Variants in NXPE2 observed in about 807,000 individuals in gnomAD.
NXPE2 encodes the protein NXPE family member 2.
In NXPE2, 34 loss-of-function variants were observed where a neutral mutation model predicts 34.4. The observed-to-expected ratio is 0.99, with a 90% CI of 0.75 to 1.31. The LOEUF is 1.31. Among genes scored for constraint, NXPE2 ranks in the 40% most tolerant of loss-of-function variants. The pLI is 0.00. For missense variants in NXPE2, 649 were observed against 672.5 expected, an observed-to-expected ratio of 0.97 and a Z score of 0.39; for synonymous variants, 235 against 231.3, an observed-to-expected ratio of 1.02 and a Z score of -0.15.
chr11:114,711,177 A>G (rs1859605076), downstream of NXPE2, among the ~76,000 whole-genome samples: 1 of 152,176 alleles, frequency 6.6e-6, no homozygotes, highest in South Asian at 2.1e-4. Context: ...ATGATCAGGA[A>G]CAAAGCAAAG....
the NXPE2 span, chr11:114,570,925 A>G: frequency 6.5e-7 from 1 of 1,534,418 alleles, no homozygotes; most frequent in African/African-American, 1.4e-5. Context: ...TGAATTTCAG[A>G]CTTTTGTGTT....
chr11:114,536,836 C>T, the NXPE2 span, among the ~76,000 whole-genome samples: 30 of 152,226 alleles, frequency 2.0e-4, no homozygotes, highest in Non-Finnish European at 2.8e-4. Context: ...GATTCACAGC[C>T]GAATTCTACC....
chr11:114,476,472 T>A, the NXPE2 span, among the ~76,000 whole-genome samples: 2 of 152,012 alleles, frequency 1.3e-5, no homozygotes, highest in African/African-American at 4.8e-5. Flanking sequence ...TAGTTGTATT[T>A]GTCCATTTTC....
chr11:114,519,725 T>G, the NXPE2 span, among the ~76,000 whole-genome samples: 20,246 of 152,070 alleles, frequency 0.13, 1,467 homozygotes, highest in South Asian at 0.23. Context: ...TTTGAACACG[T>G]ATTTGTCTTG....
the NXPE2 span, among the ~76,000 whole-genome samples, chr11:114,599,759 A>G: frequency 6.6e-6 from 1 of 152,136 alleles, no homozygotes. Flanking sequence ...CTCACTCACT[A>G]TACAGTACCA....
chr11:114,547,053 C>G, the NXPE2 span, among the ~76,000 whole-genome samples: 4 of 152,190 alleles, frequency 2.6e-5, no homozygotes, highest in Admixed American at 6.5e-5. Flanking sequence ...TCTCCCCACT[C>G]AAGGAGATGG....
At chr11:114,534,815 T>G in the NXPE2 span, among the ~76,000 whole-genome samples, 1 of 152,188 alleles carries the variant, frequency 6.6e-6, no homozygotes, top group Non-Finnish European at 1.5e-5. Context: ...TTGGTGTACC[T>G]GAAAGTGACG....
At chr11:114,801,519 G>T in the NXPE2 span, among the ~76,000 whole-genome samples, 411 of 152,316 alleles carry the variant, frequency 2.7e-3, 8 homozygotes, top group Admixed American at 0.019. Context: ...ATTGTAGAAA[G>T]TTAAGCATGG....
intron 2 of NXPE2, among the ~76,000 whole-genome samples, chr11:114,694,618 C>T (rs1008842140): frequency 6.6e-6 from 1 of 152,040 alleles, no homozygotes; most frequent in African/African-American, 2.4e-5. Flanking sequence ...GTTGGATATT[C>T]TGTTCTTTTT....
At chr11:114,516,380 G>A in the NXPE2 span, among the ~76,000 whole-genome samples, 34,458 of 151,986 alleles carry the variant, frequency 0.23, 5,473 homozygotes, top group African/African-American at 0.44. Flanking sequence ...AACTCTATCC[G>A]TCTTGCTTAC....
the NXPE2 span, among the ~76,000 whole-genome samples, chr11:114,723,684 G>A: frequency 6.6e-6 from 1 of 152,114 alleles, no homozygotes; most frequent in Non-Finnish European, 1.5e-5. Context: ...CTAGTGCAGT[G>A]GGTGAAAAAC....
chr11:114,748,822 A>G, the NXPE2 span, among the ~76,000 whole-genome samples: 1 of 152,176 alleles, frequency 6.6e-6, no homozygotes, highest in African/African-American at 2.4e-5. Context: ...TTGGAACTAC[A>G]TATATATCCA....
chr11:114,669,019 T>C, the NXPE2 span, among the ~76,000 whole-genome samples: 2 of 152,036 alleles, frequency 1.3e-5, no homozygotes, highest in African/African-American at 4.8e-5. Flanking sequence ...TGAGGAATGG[T>C]AGCTTGCTGA....
chr11:114,632,730 A>T, the NXPE2 span, among the ~76,000 whole-genome samples: 1 of 47,450 alleles, frequency 2.1e-5, no homozygotes, highest in South Asian at 7.5e-4. Context: ...TATAATATAT[A>T]ATATATATAA....
intron 3 of NXPE2, among the ~76,000 whole-genome samples, chr11:114,700,128 G>A (rs2135563753): frequency 6.6e-6 from 1 of 152,280 alleles, no homozygotes; most frequent in East Asian, 1.9e-4. Context: ...AGCACCTTCT[G>A]TATTCCAGAC....
At chr11:114,736,127 T>C in the NXPE2 span, among the ~76,000 whole-genome samples, 1 of 152,148 alleles carries the variant, frequency 6.6e-6, no homozygotes, top group African/African-American at 2.4e-5. Flanking sequence ...CAGGGCGAGA[T>C]CACAGGACCA....
At chr11:114,595,849 A>C in the NXPE2 span, 1 of 152,318 alleles carries the variant, frequency 6.6e-6, no homozygotes, top group African/African-American at 2.4e-5. Context: ...TATTAGCTCA[A>C]GCAGAGGTAG....
At chr11:114,524,092 GCTCTTGCTGTT>G in the NXPE2 span, among the ~76,000 whole-genome samples, 128 of 152,270 alleles carry the variant, frequency 8.4e-4, no homozygotes, top group African/African-American at 2.9e-3. Context: ...GTCTAACTTG[GCTCTTGCTGTT>G]CTCACATTAT....
the NXPE2 span, among the ~76,000 whole-genome samples, chr11:114,503,617 A>C: frequency 6.6e-6 from 1 of 152,100 alleles, no homozygotes; most frequent in Admixed American, 6.5e-5. Context: ...CAAAAATATA[A>C]AGAGGTATAA....
Sources: allele counts gnomAD v4.1 joint callset (sites outside exome capture counted in the v4.1 genomes callset), GRCh38; gene constraint gnomAD v4.1.1; transcripts MANE v1.5; gene names NCBI Gene and HGNC (gene_info 2026-07-23, HGNC 2026-07-21).